Variants in CALB1 observed in about 807,000 individuals in gnomAD.
CALB1 encodes calbindin 1, also known as calbindin.
A neutral mutation model predicts 46.7 loss-of-function variants in CALB1; 16 were observed. That is an observed-to-expected ratio of 0.34 (90% confidence interval 0.23 to 0.52). CALB1 has a LOEUF of 0.52. Among genes scored for constraint, CALB1 ranks in the 20% least tolerant of loss-of-function variants. CALB1 has a pLI of 0.95. For missense variants in CALB1, 224 were observed against 300.3 expected (o/e 0.75, Z 1.88); for synonymous variants, 90 against 112.8 (o/e 0.80, Z 1.28).
intron 3 of CALB1, among the ~76,000 whole-genome samples, chr8:90,076,508 T>G (rs1814626113): frequency 6.6e-6 from 1 of 152,080 alleles, no homozygotes; most frequent in Non-Finnish European, 1.5e-5. Context: ...GATAACATAT[T>G]TGAAAACACT....
At chr8:90,066,045 T>C (rs1814390478) in intron 5 of CALB1, 70 bp from the exon 6 acceptor site, 1 of 1,021,556 alleles carries the variant, frequency 9.8e-7, no homozygotes, top group Non-Finnish European at 1.5e-6. Flanking sequence ...TCAGAATGCC[T>C]TGGAACAGGA....
intron 3 of CALB1, among the ~76,000 whole-genome samples, chr8:90,077,124 A>C (rs571171250): frequency 7.2e-5 from 11 of 152,170 alleles, no homozygotes; most frequent in African/African-American, 2.6e-4. Flanking sequence ...TGTTTAATTT[A>C]AAAGTTATTT....
chr8:90,076,419 T>G (rs1447929817), intron 3 of CALB1, among the ~76,000 whole-genome samples: 1 of 152,088 alleles, frequency 6.6e-6, no homozygotes, highest in Non-Finnish European at 1.5e-5. Flanking sequence ...CTATTGAAGC[T>G]TCACATGCTA....
At chr8:90,066,452 G>A (rs867275110) in intron 5 of CALB1, among the ~76,000 whole-genome samples, 3 of 152,096 alleles carry the variant, frequency 2.0e-5, no homozygotes, top group Middle Eastern at 3.4e-3. Context: ...TCCCCAGGCT[G>A]TATTTACACA....
intron 5 of CALB1, among the ~76,000 whole-genome samples, chr8:90,067,453 T>C (rs1814422285): frequency 6.6e-6 from 1 of 152,148 alleles, no homozygotes; most frequent in East Asian, 1.9e-4. Flanking sequence ...TAAAAGAATA[T>C]TTTTGGTCTA....
chr8:90,077,057 A>T (rs1049406255), intron 3 of CALB1, among the ~76,000 whole-genome samples: 1 of 152,004 alleles, frequency 6.6e-6, no homozygotes, highest in Non-Finnish European at 1.5e-5. Flanking sequence ...CCGTAATTTC[A>T]CTGATGTCAT....
At chr8:90,072,792 A>T (rs1407589657) in intron 3 of CALB1, among the ~76,000 whole-genome samples, 2 of 152,172 alleles carry the variant, frequency 1.3e-5, no homozygotes, top group Non-Finnish European at 2.9e-5. Context: ...AGTATCCAAT[A>T]CTTCTTATTA....
chr8:90,065,310 C>G (rs1288848924), intron 6 of CALB1, among the ~76,000 whole-genome samples: 1 of 151,350 alleles, frequency 6.6e-6, no homozygotes, highest in East Asian at 1.9e-4. Flanking sequence ...TATAATTGAT[C>G]TTAGTTGTCA....
At position 90,078,193 on chromosome 8, in the gene CALB1, A is replaced by C. The variant is rs147892399; in HGVS notation, c.231+180T>G. 1,241 of 447,030 alleles carry C rather than the reference A, an allele frequency of 2.8e-3. 12 individuals are homozygous for C. Among genetic ancestry groups the C allele is most frequent in the African/African-American group, 0.023 (1,094 of 47,984 alleles). The allele number at this position is 447,030 out of a possible 1,614,324, so 27.7% of individuals were successfully genotyped here. On this transcript the variant is annotated intron_variant, in intron 3 of 10. Coordinates refer to ENST00000265431, the MANE Select transcript of CALB1 (RefSeq NM_004929.4). ...TAGGCCCTGGGTTAGGAATACTCTT[A>C]GATGTTTTTCATTTGTGAACATTTT...
intron 3 of CALB1, among the ~76,000 whole-genome samples, chr8:90,072,268 T>G (rs1814538952): frequency 6.6e-6 from 1 of 152,210 alleles, no homozygotes; most frequent in Admixed American, 6.5e-5. Context: ...TTCATGTAAC[T>G]CACATAAAGT....
chr8:90,081,964 A>G, intron 2 of CALB1, 62 bp downstream of exon 2: 1 of 1,440,944 alleles, frequency 6.9e-7, no homozygotes, highest in Non-Finnish European at 9.6e-7. Context: ...TTGTGAAAAC[A>G]CAAGAATGTT....
rs758359176 is a variant in CALB1, at chr8:90,060,290, T to C, written c.673-4A>G. The C allele has an allele frequency of 2.6e-6, 4 of 1,512,140 alleles. No homozygotes were observed. The highest frequency in any genetic ancestry group is 1.7e-5 in the Admixed American group (1 of 59,890). 93.7% of individuals were successfully genotyped at this position (1,512,140 alleles called of 1,614,324 possible). A position where few individuals can be genotyped will look rare whatever the true frequency, so the allele number is the denominator to read the frequency against. On this transcript the variant is annotated splice_polypyrimidine_tract_variant and splice_region_variant and intron_variant, in intron 10 of 10. Transcript: ENST00000265431. ...TAATATTATTAATATCCAGATCCTGTACAGAATATAAATGGCATTGTAATC... is the reference window on the plus strand; with the variant it reads ...TAATATTATTAATATCCAGATCCTGCACAGAATATAAATGGCATTGTAATC...
At chr8:90,072,529 T>C (rs1296250353) in intron 3 of CALB1, among the ~76,000 whole-genome samples, 1 of 152,238 alleles carries the variant, frequency 6.6e-6, no homozygotes, top group Non-Finnish European at 1.5e-5. Flanking sequence ...ATTATGTGTA[T>C]ATAGGATGTG....
rs1586175593 is a variant in CALB1 at position 90,058,628 on chromosome 8, A to C, written c.*1545T>G. 2.6e-5 allele frequency: 4 copies of C among 152,174 alleles called. No individual in the cohort carries two copies. The South Asian group carries it at 8.3e-4, about 31-fold the overall frequency. 9.4% of individuals were successfully genotyped at this position (152,174 alleles called of 1,614,324 possible). A position where few individuals can be genotyped will look rare whatever the true frequency, so the allele number is the denominator to read the frequency against. The stretch of plus-strand genomic sequence containing the variant: ...AGAGATTAAGGTTATTTTCTTCTTT[A>C]TTTATTCTTAGTAGTTAAATTCAGT... On this transcript the variant is annotated 3_prime_UTR_variant, in exon 11 of 11. Transcript: ENST00000265431.
At position 90,073,039 on chromosome 8, in the gene CALB1, C is replaced by G. The variant is rs184749189; in HGVS notation, c.232-3802G>C. ...CTACTTGCTTGTCTCCCCTACTAGT[C>G]TACGTGCTCCTTGAGGATGGGGTCT... is the stretch of plus-strand genomic sequence containing the variant. On this transcript the variant is annotated intron_variant, in intron 3 of 10. Coordinates refer to ENST00000265431, the MANE Select transcript of CALB1 (RefSeq NM_004929.4). 3.4e-3 allele frequency among the ~76,000 whole-genome samples: 523 copies of G among 152,276 alleles called. 2 individuals are homozygous for G. Among genetic ancestry groups the G allele is most frequent in the Non-Finnish European group, 4.7e-3 (321 of 68,032 alleles).
Position 90,082,612 on chromosome 8 carries a change from T to A in CALB1, c.79+7A>T. ...TCTTGAAACAGTTAAAAAGAGAAGA[T>A]AATCACCGTCAGCGTCGAAATGGAG... On this transcript the variant is annotated splice_region_variant and intron_variant, in intron 1 of 10. Transcript: ENST00000265431. 6.2e-7 allele frequency: 1 copy of A among 1,611,684 alleles called. No homozygotes were observed. The highest frequency in any genetic ancestry group is 8.5e-7 in the Non-Finnish European group (1 of 1,177,828).
chr8:90,060,362 G>A (rs1260706186), intron 10 of CALB1, 76 bp from the exon 11 acceptor site: 2 of 894,214 alleles, frequency 2.2e-6, no homozygotes, highest in South Asian at 1.3e-5. Flanking sequence ...GATAAAATGT[G>A]AGATGAAACT....
chr8:90,069,499 G>A (rs1586180626), intron 3 of CALB1, among the ~76,000 whole-genome samples: 2 of 152,150 alleles, frequency 1.3e-5, no homozygotes, highest in East Asian at 3.9e-4. Context: ...TAGAACTAGC[G>A]TGGCCACTTC....
chr8:90,077,990 G>A (rs1814650143), intron 3 of CALB1, among the ~76,000 whole-genome samples: 1 of 152,194 alleles, frequency 6.6e-6, no homozygotes, highest in African/African-American at 2.4e-5. Flanking sequence ...AAGAAATACT[G>A]ATGGACCATG....
Sources: allele counts gnomAD v4.1 joint callset (sites outside exome capture counted in the v4.1 genomes callset), GRCh38; gene constraint gnomAD v4.1.1; transcripts MANE v1.5; gene names NCBI Gene and HGNC (gene_info 2026-07-23, HGNC 2026-07-21).